The following ADAMTS19 variants were observed in gnomAD, a reference collection of about 807,000 sequenced individuals.
ADAMTS19 encodes A disintegrin and metalloproteinase with thrombospondin motifs 19.
In ADAMTS19, 93 loss-of-function variants were observed where a neutral mutation model predicts 153.3. The observed-to-expected ratio is 0.61, with a 90% CI of 0.51 to 0.72. The LOEUF (loss-of-function observed/expected upper bound fraction) is 0.72. Among genes scored for constraint, ADAMTS19 ranks in the 30% least tolerant of loss-of-function variants. The pLI is 0.00. For missense variants in ADAMTS19, 1,482 were observed against 1,552.1 expected (o/e 0.95, Z 0.76); for synonymous variants, 600 against 556.6 (o/e 1.08, Z -1.10).
intron 7 of ADAMTS19, among the ~76,000 whole-genome samples, chr5:129,586,151 A>G (rs1749786040): frequency 6.6e-6 from 1 of 152,180 alleles, no homozygotes; most frequent in Admixed American, 6.5e-5. Flanking sequence ...CATTATTTTT[A>G]CAATTGGTGA....
At position 129,461,869 on chromosome 5, in the gene ADAMTS19, C is replaced by T. The variant is rs377149915; in HGVS notation, c.747+112C>T. The T allele has an allele frequency of 1.1e-5, 16 of 1,419,696 alleles. No homozygotes were observed. Among genetic ancestry groups the T allele is most frequent in the Middle Eastern group, 1.9e-4 (1 of 5,384 alleles). 87.9% of individuals were successfully genotyped at this position (1,419,696 alleles called of 1,614,324 possible). A position where few individuals can be genotyped will look rare whatever the true frequency, so the allele number is the denominator to read the frequency against. ...CCCCTTTCAGTGTGCTCCTTTTGAGCTTGGCCCTAGACTGCACCCCCAGGT... is the reference window on the plus strand; with the variant it reads ...CCCCTTTCAGTGTGCTCCTTTTGAGTTTGGCCCTAGACTGCACCCCCAGGT... On this transcript the variant is annotated intron_variant, in intron 2 of 22. Coordinates refer to ENST00000274487, the MANE Select transcript of ADAMTS19 (RefSeq NM_133638.6). The surrounding 1 kb of genome is among the most constrained non-coding windows in gnomAD (Gnocchi z 4.6).
intron 6 of ADAMTS19, among the ~76,000 whole-genome samples, chr5:129,550,726 T>G (rs1028818188): frequency 6.6e-6 from 1 of 151,506 alleles, no homozygotes. Context: ...TTTTTTATCA[T>G]TTAGATACAG....
chr5:129,538,199 T>A (rs574795764), intron 6 of ADAMTS19, among the ~76,000 whole-genome samples: 40 of 152,146 alleles, frequency 2.6e-4, no homozygotes, highest in African/African-American at 9.4e-4. Flanking sequence ...TACAGAAAAC[T>A]GATAAGTACA....
chr5:129,524,396 G>C (rs2126758190), intron 3 of ADAMTS19, among the ~76,000 whole-genome samples: 1 of 152,210 alleles, frequency 6.6e-6, no homozygotes. Context: ...ATAGGCATGG[G>C]CAAAGACTTC....
At chr5:129,693,505 G>A (rs139776151) in intron 18 of ADAMTS19, among the ~76,000 whole-genome samples, 283 of 152,168 alleles carry the variant, frequency 1.9e-3, no homozygotes, top group African/African-American at 6.4e-3. Context: ...TCAATCTGGC[G>A]TCAAAATTTT....
chr5:129,478,604 C>T (rs554280120), intron 2 of ADAMTS19, among the ~76,000 whole-genome samples: 26 of 152,224 alleles, frequency 1.7e-4, no homozygotes, highest in Middle Eastern at 3.4e-3. Context: ...TGGAGTGCAG[C>T]GGTGTGATCA....
rs554346479 is a variant in ADAMTS19 at position 129,597,441 on chromosome 5, C to T, written c.1478+777C>T. On this transcript the variant is annotated intron_variant, in intron 8 of 22. Coordinates refer to ENST00000274487, the MANE Select transcript of ADAMTS19 (RefSeq NM_133638.6). ...ATTATTAAAATGGCAATTGTTGGAGCGAGGGGTTTGAACTCAAGCCATTCA... is the reference window on the plus strand; with the variant it reads ...ATTATTAAAATGGCAATTGTTGGAGTGAGGGGTTTGAACTCAAGCCATTCA... Among the ~76,000 whole-genome samples the T allele has an allele frequency of 1.2e-4, 18 of 152,114 alleles. No homozygotes were observed. The South Asian group carries it at 2.3e-3, about 19-fold the overall frequency.
intron 19 of ADAMTS19, 82 bp downstream of exon 19, chr5:129,694,937 A>C: frequency 2.3e-6 from 3 of 1,308,274 alleles, no homozygotes; most frequent in East Asian, 5.5e-5. Context: ...ATATCATTGA[A>C]ATCACATTTT....
intron 7 of ADAMTS19, among the ~76,000 whole-genome samples, chr5:129,553,765 A>G (rs1328622374): frequency 6.6e-6 from 1 of 152,064 alleles, no homozygotes; most frequent in Admixed American, 6.6e-5. Flanking sequence ...AATCTGAAAT[A>G]TTTCTTCAAG....
chr5:129,568,366 G>T (rs1753785179), intron 7 of ADAMTS19, among the ~76,000 whole-genome samples: 1 of 151,888 alleles, frequency 6.6e-6, no homozygotes, highest in Non-Finnish European at 1.5e-5. Flanking sequence ...AATACATGGG[G>T]GGGGATAAAG....
chr5:129,480,138 T>C (rs1750360383), intron 2 of ADAMTS19, among the ~76,000 whole-genome samples: 1 of 152,168 alleles, frequency 6.6e-6, no homozygotes, highest in Admixed American at 6.5e-5. Flanking sequence ...GAAATAGTTC[T>C]ACTTAAATAT....
At chr5:129,607,786 A>G in intron 8 of ADAMTS19, among the ~76,000 whole-genome samples, 1 of 151,970 alleles carries the variant, frequency 6.6e-6, no homozygotes, top group Non-Finnish European at 1.5e-5. Context: ...AAAGGGCCAA[A>G]TCTAGCAATT....
chr5:129,507,207 G>A (rs1246721598), intron 2 of ADAMTS19, among the ~76,000 whole-genome samples: 1 of 151,914 alleles, frequency 6.6e-6, no homozygotes, highest in Non-Finnish European at 1.5e-5. Flanking sequence ...TTAATCATCA[G>A]CCTCACTGTC....
chr5:129,471,483 G>C (rs1750066070), intron 2 of ADAMTS19, among the ~76,000 whole-genome samples: 1 of 148,160 alleles, frequency 6.7e-6, no homozygotes. Context: ...AGGAAGGAAG[G>C]AAAGCAGGCA....
chr5:129,694,835 T>C lies in ADAMTS19; in HGVS notation c.2934T>C (p.Asn978=), dbSNP rs780102273. Residue 978 remains asparagine, a synonymous_variant, in exon 19 of 23, where the codon AAT becomes AAC. Coordinates refer to ENST00000274487, the MANE Select transcript of ADAMTS19 (RefSeq NM_133638.6). ...CAGAGCCACAGATTCGAAAGTGCAA[T>C]GAGCAACCATGTCAAACAAGGTAAC... ...TKPEPQIRKC[N]EQPCQTRWMM... The C allele has an allele frequency of 6.9e-6, 11 of 1,590,340 alleles. No homozygotes were observed. In the South Asian group the frequency reaches 1.1e-4, roughly 17 times the overall value.
Position 129,665,591 on chromosome 5 carries a change from TACAGAC to T in ADAMTS19, c.2506+18_2506+23del. On this transcript the variant is annotated intron_variant, in intron 16 of 22. Coordinates refer to ENST00000274487, the MANE Select transcript of ADAMTS19 (RefSeq NM_133638.6). The stretch of plus-strand genomic sequence containing the variant: ...ACATAGCTATTTAGGTAACCTGTGT[TACAGAC>T]ACAGAGAAGATCCAAGTACGAGCCC... 1.9e-6 allele frequency: 3 copies of T among 1,597,122 alleles called. No homozygotes were observed. The highest frequency in any genetic ancestry group is 2.7e-5 in the African/African-American group (2 of 74,562).
chr5:129,647,638 T>C, intron 11 of ADAMTS19, 127 bp from the exon 12 acceptor site: 1 of 1,143,678 alleles, frequency 8.7e-7, no homozygotes. Context: ...TTTTGGTCTT[T>C]CCTAATTCCC....
chr5:129,527,426 C>T (rs552538377), intron 4 of ADAMTS19, among the ~76,000 whole-genome samples: 110 of 150,286 alleles, frequency 7.3e-4, no homozygotes, highest in African/African-American at 2.5e-3. Context: ...CCATTACCTC[C>T]TGAGCACTCC....
At chr5:129,623,708 T>C (rs997648538) in intron 10 of ADAMTS19, among the ~76,000 whole-genome samples, 7 of 151,984 alleles carry the variant, frequency 4.6e-5, no homozygotes, top group Non-Finnish European at 1.0e-4. Flanking sequence ...GCAGAGTGAG[T>C]TTCTCCAGCA....
Sources: gnomAD v4.1 joint callset for allele counts (sites outside exome capture counted in the v4.1 genomes callset) on GRCh38, gnomAD v4.1.1 for gene constraint, Gnocchi (gnomAD v3.1) non-coding constraint, MANE v1.5 for transcripts, NCBI Gene and HGNC (gene_info 2026-07-23, HGNC 2026-07-21) for gene names.